Variants in MAD1L1 observed in about 807,000 individuals in gnomAD.
The protein encoded by MAD1L1 is mitotic spindle assembly checkpoint protein MAD1.
Under a neutral mutation model 96.9 loss-of-function variants are expected in MAD1L1, and 95 were observed. The ratio of observed to expected loss-of-function variants is 0.98; its 90% CI spans 0.83 to 1.16. The LOEUF is 1.16. MAD1L1 is among the 50% of genes most tolerant of loss of function. MAD1L1 has a pLI of 0.00. For missense variants in MAD1L1, 1,007 were observed against 954.4 expected, an observed-to-expected ratio of 1.06 and a Z score of -0.73; for synonymous variants, 473 against 396.6, an observed-to-expected ratio of 1.19 and a Z score of -2.29.
At chr7:2,014,672 C>G (rs755577906) in intron 12 of MAD1L1, 30 bp from the exon 13 acceptor site, 1 of 1,580,262 alleles carries the variant, frequency 6.3e-7, no homozygotes, top group South Asian at 1.1e-5. Flanking sequence ...CTGATCAGGA[C>G]CCGGGACGGG....
In MAD1L1 at chr7:2,129,200, A is replaced by G. The variant is rs1044242725; in HGVS notation, c.1073+19952T>C. On this transcript the variant is annotated intron_variant, in intron 11 of 18. Transcript: ENST00000265854. ...CGGGGGAGCTGGGGCCACCAGGGCT[A>G]ACCCACCGCCAGGCAGCTCACATGT... 1.2e-4 allele frequency among the ~76,000 whole-genome samples: 19 copies of G among 152,172 alleles called. 1 individual carries two copies. The highest frequency in any genetic ancestry group is 1.2e-3 in the Admixed American group (18 of 15,280).
intron 11 of MAD1L1, among the ~76,000 whole-genome samples, chr7:2,128,241 T>C (rs527986988): frequency 1.3e-5 from 2 of 152,256 alleles, no homozygotes; most frequent in African/African-American, 4.8e-5. Flanking sequence ...CTGCATTTTC[T>C]GTCACTGAAT....
chr7:1,894,320 C>G (rs1296022460), intron 18 of MAD1L1, among the ~76,000 whole-genome samples: 2 of 152,150 alleles, frequency 1.3e-5, no homozygotes, highest in Non-Finnish European at 2.9e-5. Context: ...TTACAGGGAG[C>G]CTTTGAAAGC....
intron 12 of MAD1L1, among the ~76,000 whole-genome samples, chr7:2,037,687 C>T (rs886128908): frequency 2.6e-5 from 4 of 152,062 alleles, no homozygotes; most frequent in Non-Finnish European, 5.9e-5. Context: ...GATTCTGGGA[C>T]GCCACACACT....
chr7:2,046,028 T>C (rs1366899567), intron 12 of MAD1L1, among the ~76,000 whole-genome samples: 1 of 152,168 alleles, frequency 6.6e-6, no homozygotes, highest in Non-Finnish European at 1.5e-5. Flanking sequence ...AAGGACTTCC[T>C]GGGGAAGACC....
At chr7:1,934,341 C>T (rs1046831035) in intron 17 of MAD1L1, among the ~76,000 whole-genome samples, 4 of 152,206 alleles carry the variant, frequency 2.6e-5, no homozygotes, top group Non-Finnish European at 5.9e-5. Context: ...GTGCCTGAGA[C>T]GCGCAGAGAC....
At chr7:1,830,597 A>G (rs1782655354) in intron 18 of MAD1L1, among the ~76,000 whole-genome samples, 1 of 152,216 alleles carries the variant, frequency 6.6e-6, no homozygotes, top group Non-Finnish European at 1.5e-5. Context: ...CATGTGCATA[A>G]ATAAAATATA....
At chr7:1,819,056 T>C (rs1781985477) in intron 18 of MAD1L1, among the ~76,000 whole-genome samples, 1 of 152,022 alleles carries the variant, frequency 6.6e-6, no homozygotes, top group Non-Finnish European at 1.5e-5. Context: ...GGTCTAACGC[T>C]CCGGCATTAG....
chr7:2,227,712 T>C (rs1413506016), intron 3 of MAD1L1, among the ~76,000 whole-genome samples: 2 of 152,220 alleles, frequency 1.3e-5, no homozygotes, highest in African/African-American at 2.4e-5. Flanking sequence ...TGCTGCTGTT[T>C]GGGCGTTCCT....
chr7:2,041,952 C>T (rs1031841167), intron 12 of MAD1L1, among the ~76,000 whole-genome samples: 1 of 152,162 alleles, frequency 6.6e-6, no homozygotes, highest in Admixed American at 6.5e-5. Flanking sequence ...GAGCCTGCAT[C>T]CTACCCAGCC....
At chr7:1,952,749 G>A (rs1355248998) in intron 16 of MAD1L1, among the ~76,000 whole-genome samples, 2 of 152,156 alleles carry the variant, frequency 1.3e-5, no homozygotes, top group African/African-American at 4.8e-5. Flanking sequence ...ACTTCCCGAG[G>A]CCACCAGGTA....
chr7:2,011,481 T>C (rs370632594), intron 13 of MAD1L1, among the ~76,000 whole-genome samples: 8 of 152,142 alleles, frequency 5.3e-5, no homozygotes, highest in African/African-American at 1.7e-4. Flanking sequence ...GATGCTCCCC[T>C]GAGGCAGGAA....
At chr7:1,856,168 C>G (rs377669696) in intron 18 of MAD1L1, among the ~76,000 whole-genome samples, 1 of 152,346 alleles carries the variant, frequency 6.6e-6, no homozygotes, top group South Asian at 2.1e-4. Flanking sequence ...CAAGGCCCCG[C>G]GCCCTCCTGC....
chr7:1,942,180 T>A (rs1163913905), intron 16 of MAD1L1, among the ~76,000 whole-genome samples: 1 of 152,052 alleles, frequency 6.6e-6, no homozygotes, highest in East Asian at 1.9e-4. Flanking sequence ...AATACAGGGG[T>A]GGAGCTGCCA....
chr7:1,860,762 G>A (rs34389587), intron 18 of MAD1L1, among the ~76,000 whole-genome samples: 1 of 152,168 alleles, frequency 6.6e-6, no homozygotes, highest in African/African-American at 2.4e-5. Context: ...TCACATCTCA[G>A]GATTCTCTGA....
At chr7:2,115,061 A>C (rs537386932) in intron 11 of MAD1L1, among the ~76,000 whole-genome samples, 1 of 152,316 alleles carries the variant, frequency 6.6e-6, no homozygotes, top group Admixed American at 6.5e-5. Context: ...TGGAGGCGCC[A>C]GCTCAGTCTG....
At chr7:2,226,112 C>T (rs1464034138) in intron 3 of MAD1L1, among the ~76,000 whole-genome samples, 4 of 152,332 alleles carry the variant, frequency 2.6e-5, no homozygotes, top group South Asian at 4.1e-4. Flanking sequence ...TGCTCGGCCT[C>T]GGACGTCTGG....
chr7:2,135,658 C>T (rs765851697), intron 11 of MAD1L1, among the ~76,000 whole-genome samples: 1 of 152,180 alleles, frequency 6.6e-6, no homozygotes, highest in African/African-American at 2.4e-5. Context: ...GGCCTCCTGC[C>T]CCCCAGCTCT....
At chr7:2,061,028 A>G (rs563245427) in intron 12 of MAD1L1, among the ~76,000 whole-genome samples, 1 of 152,364 alleles carries the variant, frequency 6.6e-6, no homozygotes, top group South Asian at 2.1e-4. Context: ...ACTCAGTAAG[A>G]ACAAGGCAAA....
Sources: allele counts gnomAD v4.1 joint callset (sites outside exome capture counted in the v4.1 genomes callset), GRCh38; gene constraint gnomAD v4.1.1; transcripts MANE v1.5; gene names NCBI Gene and HGNC (gene_info 2026-07-23, HGNC 2026-07-21).